The following DMD variants were observed in gnomAD, a reference collection of about 807,000 sequenced individuals.
DMD encodes dystrophin, also known as mutant dystrophin.
In DMD, 63 loss-of-function variants were observed where a neutral mutation model predicts 330.1. The ratio of observed to expected loss-of-function variants is 0.19; its 90% CI spans 0.16 to 0.24. DMD has a LOEUF of 0.24. Ranked by LOEUF, DMD falls within the 10% of genes least tolerant of loss-of-function variation. The probability of loss-of-function intolerance (pLI) is 1.00; values close to 1 mark genes in which losing one functional copy is unlikely to be tolerated. For synonymous variants in DMD, 1,223 were observed against 959.8 expected (o/e 1.27, Z -5.07); for missense variants, 3,344 against 2,684.1 (o/e 1.25, Z -5.43).
rs2097279684 is a variant in DMD at position 32,252,857 on chromosome X, T to C, written c.6290+34672A>G. Among the ~76,000 whole-genome samples, 4 of 71,955 alleles carry C rather than the reference T, an allele frequency of 5.6e-5. No individual in the cohort carries two copies. The South Asian group carries it at 2.3e-3, about 41-fold the overall frequency. 62.5% of individuals were successfully genotyped at this position (71,955 alleles called of 115,157 possible). Reference sequence around the variant, plus strand: ...AAATATATATAAATATATAAATATATATAAATATATAAATATATAAAAATA... The same window carrying C: ...AAATATATATAAATATATAAATATACATAAATATATAAATATATAAAAATA... On this transcript the variant is annotated intron_variant, in intron 43 of 78. Coordinates refer to ENST00000357033, the MANE Select transcript of DMD (RefSeq NM_004006.3).
At position 32,849,782 on chromosome X, in the gene DMD, T is replaced by C. The variant is rs1316036563; in HGVS notation, c.132A>G (p.Leu44=). ...GGTCTAGGAGGCGCCTCCCATCCTG[T>C]AGGTCACTGAAGAGGTTCTCAATAT... The part of the protein sequence containing the change: ...KQHIENLFSD[L]QDGRRLLDLL... The change falls in exon 3 of 79, where the codon CTA becomes CTG. Residue 44 remains leucine, a synonymous_variant. Coordinates refer to ENST00000357033, the MANE Select transcript of DMD (RefSeq NM_004006.3). The C allele has an allele frequency of 3.1e-5, 37 of 1,209,760 alleles. No individual in the cohort carries two copies. The highest frequency in any genetic ancestry group is 4.0e-5 in the Non-Finnish European group (36 of 894,124).
chrX:31,625,869 G>A lies in DMD; in HGVS notation c.8217+1804C>T, dbSNP rs746401077. Among the ~76,000 whole-genome samples, 10 of 111,732 alleles carry A rather than the reference G, an allele frequency of 8.9e-5. No homozygotes were observed. In the East Asian group the frequency reaches 2.5e-3, roughly 28 times the overall value. ...CATAAAATAATTTTTTAGTCATTGG[G>A]TTATTCTTTATTTTTCAAAGTAATC... On this transcript the variant is annotated intron_variant, in intron 55 of 78. Transcript: ENST00000357033.
At chrX:32,719,042 G>C (rs748109581) in intron 7 of DMD, among the ~76,000 whole-genome samples, 2 of 111,577 alleles carry the variant, frequency 1.8e-5, no homozygotes, top group South Asian at 7.5e-4. Flanking sequence ...TACATATATA[G>C]TTACTCAACT....
intron 13 of DMD, among the ~76,000 whole-genome samples, chrX:32,577,552 G>T (rs1421081459): frequency 3.6e-5 from 4 of 112,353 alleles, no homozygotes; most frequent in Non-Finnish European, 7.5e-5. Context: ...GTTGGTCGTT[G>T]TTTACAATTT....
At chrX:32,720,282 C>T (rs753090878) in intron 7 of DMD, among the ~76,000 whole-genome samples, 150 of 111,050 alleles carry the variant, frequency 1.4e-3, no homozygotes, top group African/African-American at 4.7e-3. Context: ...GGTCTAATAC[C>T]AAGACTGGCT....
intron 9 of DMD, among the ~76,000 whole-genome samples, chrX:32,682,405 C>A (rs1404859431): frequency 1.8e-5 from 2 of 111,526 alleles, no homozygotes; most frequent in Non-Finnish European, 3.8e-5. Flanking sequence ...TACAACCAGT[C>A]TCATTAGGTA....
chrX:32,930,144 A>C (rs1392274854), intron 2 of DMD, among the ~76,000 whole-genome samples: 1 of 111,284 alleles, frequency 9.0e-6, no homozygotes, highest in African/African-American at 3.3e-5. Context: ...AAATCATAAA[A>C]CACAAAGCCT....
Position 31,526,302 on chromosome X carries a change from AAC to A in DMD, c.8218-18851_8218-18850del, listed in dbSNP as rs765518865. On this transcript the variant is annotated intron_variant, in intron 55 of 78. Coordinates refer to ENST00000357033, the MANE Select transcript of DMD (RefSeq NM_004006.3). Reference sequence around the variant, plus strand: ...ATTTCTTCTCACTAAATAGTGAATTAACACAGTGCAAATTTAGCAGTCATCCT... The same window carrying A: ...ATTTCTTCTCACTAAATAGTGAATTAACAGTGCAAATTTAGCAGTCATCCT... Among the ~76,000 whole-genome samples the A allele has an allele frequency of 2.2e-4, 25 of 112,221 alleles. No homozygotes were observed. In the East Asian group the frequency reaches 6.7e-3, roughly 30 times the overall value.
intron 9 of DMD, among the ~76,000 whole-genome samples, chrX:32,651,238 G>A: frequency 9.1e-6 from 1 of 109,827 alleles, no homozygotes; most frequent in Non-Finnish European, 1.9e-5. Flanking sequence ...TCCCTTCTGG[G>A]TTCAAGCCAT....
At chrX:31,867,217 T>A (rs1022216031) in intron 48 of DMD, among the ~76,000 whole-genome samples, 32 of 109,296 alleles carry the variant, frequency 2.9e-4, no homozygotes, top group South Asian at 1.2e-3. Context: ...GTTTTTTTTT[T>A]TATATTTTGG....
chrX:31,318,155 C>T (rs745638261), intron 62 of DMD, among the ~76,000 whole-genome samples: 1 of 111,647 alleles, frequency 9.0e-6, no homozygotes, highest in Non-Finnish European at 1.9e-5. Context: ...GTAATAGAGG[C>T]AATACAGTAG....
At chrX:31,864,118 A>G (rs2093757476) in intron 48 of DMD, among the ~76,000 whole-genome samples, 1 of 111,227 alleles carries the variant, frequency 9.0e-6, no homozygotes, top group Non-Finnish European at 1.9e-5. Flanking sequence ...TAAAATGTGC[A>G]AGCAGATATT....
At chrX:32,824,682 A>G (rs1200801267) in intron 4 of DMD, among the ~76,000 whole-genome samples, 1 of 111,506 alleles carries the variant, frequency 9.0e-6, no homozygotes, top group Non-Finnish European at 1.9e-5. Context: ...CTGCATATTG[A>G]CTCTGATGGT....
In DMD at chrX:31,121,109, TGACTGACTAGAAGTA is replaced by T. The variant is rs2032402134; in HGVS notation, c.*795_*809del. On this transcript the variant is annotated 3_prime_UTR_variant, in exon 79 of 79. Transcript: ENST00000357033. ...TCTAGACCAAGCAGGTAAGCCTGGA[TGACTGACTAGAAGTA>T]ATTTCTTTCTATTAGGATGTGACAT... The T allele has an allele frequency of 8.9e-6, 1 of 112,139 alleles. No homozygotes were observed. 9.2% of individuals were successfully genotyped at this position (112,139 alleles called of 1,213,427 possible). A position where few individuals can be genotyped will look rare whatever the true frequency, so the allele number is the denominator to read the frequency against.
At chrX:32,448,399 C>T (rs1422884005) in intron 27 of DMD, 57 bp downstream of exon 27, 1 of 1,168,293 alleles carries the variant, frequency 8.6e-7, no homozygotes, top group East Asian at 3.0e-5. Context: ...ACCACTATGC[C>T]TCACATATGA....
chrX:33,235,075 T>C (rs1267814843), intron 1 of DMD, among the ~76,000 whole-genome samples: 2 of 112,026 alleles, frequency 1.8e-5, no homozygotes, highest in African/African-American at 6.5e-5. Context: ...ATACTGGCCT[T>C]TACTGGAGGG....
intron 60 of DMD, among the ~76,000 whole-genome samples, chrX:31,370,853 G>C (rs1266689138): frequency 8.9e-6 from 1 of 111,995 alleles, no homozygotes; most frequent in East Asian, 2.8e-4. Flanking sequence ...ACGATAAAAA[G>C]GAAACAAGTC....
intron 4 of DMD, among the ~76,000 whole-genome samples, chrX:32,827,626 A>C (rs940315006): frequency 9.7e-6 from 1 of 102,797 alleles, no homozygotes; most frequent in African/African-American, 3.6e-5. Context: ...GTTGTTCCCC[A>C]CTTTATATCC....
chrX:33,239,302 T>A (rs1191724680), intron 1 of DMD, among the ~76,000 whole-genome samples: 31 of 76,639 alleles, frequency 4.0e-4, no homozygotes, highest in African/African-American at 9.5e-4. Flanking sequence ...AAAAAAAAAA[T>A]GTCGAATGTC....
Sources: gnomAD v4.1 joint callset for allele counts (sites outside exome capture counted in the v4.1 genomes callset) on GRCh38, gnomAD v4.1.1 for gene constraint, MANE v1.5 for transcripts, NCBI Gene and HGNC (gene_info 2026-07-23, HGNC 2026-07-21) for gene names.